Variants in TRIM2 observed in about 807,000 individuals in gnomAD.
TRIM2 encodes tripartite motif-containing protein 2.
TRIM2 carries 20 observed loss-of-function variants against 75.2 expected under a neutral mutation model. That is an observed-to-expected ratio of 0.27 (90% CI 0.19 to 0.39). The LOEUF (loss-of-function observed/expected upper bound fraction) is 0.39, where lower values mean the gene tolerates loss of function less well. TRIM2 is among the 10% of genes least tolerant of loss of function. The pLI, the probability that TRIM2 is intolerant of heterozygous loss-of-function variation, is 1.00. For synonymous variants in TRIM2, 373 were observed against 388.3 expected (o/e 0.96, Z 0.46); for missense variants, 660 against 990.8 (o/e 0.67, Z 4.48).
chr4:153,221,893 A>AG (rs1740322622), intron 1 of TRIM2, among the ~76,000 whole-genome samples: 1 of 87,686 alleles, frequency 1.1e-5, no homozygotes, highest in South Asian at 6.4e-4. Flanking sequence ...GAAGGAAGGA[A>AG]GGAGGGAGGA....
In TRIM2 at chr4:153,277,598, A is replaced by G. The variant is rs149360780; in HGVS notation, c.453+1468A>G. On this transcript the variant is annotated intron_variant, in intron 3 of 11. Transcript: ENST00000338700. ...TTTGGCTCCTTAAACCCCCCTCTGC[A>G]AAGTAGTTGTTGGTTACTTTCACTT... Among the ~76,000 whole-genome samples the G allele has an allele frequency of 2.6e-3, 403 of 152,332 alleles. 2 individuals carry two copies. Among genetic ancestry groups the G allele is most frequent in the African/African-American group, 8.6e-3 (357 of 41,566 alleles).
intron 1 of TRIM2, among the ~76,000 whole-genome samples, chr4:153,173,476 C>T (rs1460552412): frequency 1.3e-5 from 2 of 149,796 alleles, no homozygotes; most frequent in African/African-American, 4.9e-5. Context: ...AGCCTGGCAA[C>T]ATGGTAAAAC....
chr4:153,325,590 A>G (rs1302660010), intron 10 of TRIM2, among the ~76,000 whole-genome samples: 1 of 152,234 alleles, frequency 6.6e-6, no homozygotes, highest in African/African-American at 2.4e-5. Context: ...AAAGGATAAC[A>G]CAGGTTGTTC....
chr4:153,230,415 C>T (rs1743307086), intron 1 of TRIM2, among the ~76,000 whole-genome samples: 1 of 152,146 alleles, frequency 6.6e-6, no homozygotes, highest in South Asian at 2.1e-4. Flanking sequence ...CTCTTGGGCT[C>T]AAGCGATCTG....
chr4:153,315,866 T>A lies in TRIM2; in HGVS notation c.1649T>A (p.Phe550Tyr). ...FSNDGQFKSR[F>Y]GIRGRSPGQL... ...AATGATGGCCAGTTCAAAAGTCGTT[T>A]TGGCATACGGGGACGCTCTCCGGGG... The change falls in exon 8 of 12, where the codon TTT becomes TAT. Residue 550 changes from phenylalanine (F) to tyrosine (Y), a missense_variant. Phe to Tyr is a conservative substitution (Grantham distance 22). This residue lies in a region of TRIM2 where 620 missense variants were observed against 891.0 expected (regional missense o/e 0.70). Transcript: ENST00000338700. The A allele has an allele frequency of 6.2e-7, 1 of 1,614,206 alleles. No individual in the cohort carries two copies. Among genetic ancestry groups the A allele is most frequent in the Non-Finnish European group, 8.5e-7 (1 of 1,180,038 alleles).
intron 11 of TRIM2, among the ~76,000 whole-genome samples, chr4:153,332,755 A>G (rs1771769236): frequency 6.6e-6 from 1 of 152,228 alleles, no homozygotes; most frequent in Non-Finnish European, 1.5e-5. Flanking sequence ...AGTACAAATT[A>G]AGACCATGGT....
intron 1 of TRIM2, among the ~76,000 whole-genome samples, chr4:153,217,864 T>C (rs1738909054): frequency 6.6e-6 from 1 of 152,238 alleles, no homozygotes; most frequent in Non-Finnish European, 1.5e-5. Flanking sequence ...AAGAAAAATG[T>C]ACAAAGATCA....
At chr4:153,279,969 G>A (rs1758886671) in intron 3 of TRIM2, among the ~76,000 whole-genome samples, 1 of 151,206 alleles carries the variant, frequency 6.6e-6, no homozygotes, top group African/African-American at 2.4e-5. Context: ...AGCAGGGGGG[G>A]ATAGTGGAGC....
At chr4:153,247,999 T>G (rs933740731) in intron 1 of TRIM2, among the ~76,000 whole-genome samples, 1 of 149,542 alleles carries the variant, frequency 6.7e-6, no homozygotes, top group African/African-American at 2.5e-5. Context: ...TCATGTGTTT[T>G]TTTTTTTTTT....
At chr4:153,299,997 G>A (rs531461368) in intron 6 of TRIM2, among the ~76,000 whole-genome samples, 140 of 152,226 alleles carry the variant, frequency 9.2e-4, no homozygotes, top group Non-Finnish European at 1.8e-3. Flanking sequence ...TTTGCAAGTC[G>A]CACCCTTCTA....
intron 10 of TRIM2, among the ~76,000 whole-genome samples, chr4:153,326,233 G>A (rs531702905): frequency 8.0e-4 from 122 of 152,124 alleles, no homozygotes; most frequent in Middle Eastern, 3.4e-3. Flanking sequence ...CATTTTAGTC[G>A]GGAAAAATAG....
chr4:153,209,967 A>G (rs555181115), intron 1 of TRIM2, among the ~76,000 whole-genome samples: 7 of 152,250 alleles, frequency 4.6e-5, no homozygotes, highest in Admixed American at 4.6e-4. Context: ...TCTCAGAATC[A>G]TGCACCATAA....
chr4:153,252,114 C>T (rs1402992288), intron 1 of TRIM2, among the ~76,000 whole-genome samples: 3 of 152,220 alleles, frequency 2.0e-5, no homozygotes, highest in African/African-American at 7.2e-5. Flanking sequence ...TCCCTATCTG[C>T]CTCCTCCAAC....
chr4:153,179,160 GTTAA>G (rs1436992853), intron 1 of TRIM2, among the ~76,000 whole-genome samples: 3 of 151,734 alleles, frequency 2.0e-5, no homozygotes, highest in Non-Finnish European at 2.9e-5. Context: ...TTAATTAATT[GTTAA>G]TTAATATCAA....
intron 1 of TRIM2, among the ~76,000 whole-genome samples, chr4:153,255,784 TACTG>T (rs1390132367): frequency 6.6e-6 from 1 of 152,236 alleles, no homozygotes; most frequent in Non-Finnish European, 1.5e-5. Flanking sequence ...AGGAACGAAA[TACTG>T]ACACATGCTA....
intron 1 of TRIM2, among the ~76,000 whole-genome samples, chr4:153,247,865 A>G (rs1749697227): frequency 2.0e-5 from 3 of 152,140 alleles, no homozygotes; most frequent in Admixed American, 2.0e-4. Context: ...AAATGAGCCC[A>G]GCTCCAGGAG....
At chr4:153,226,547 G>A (rs988589262) in intron 1 of TRIM2, among the ~76,000 whole-genome samples, 1 of 152,256 alleles carries the variant, frequency 6.6e-6, no homozygotes, top group African/African-American at 2.4e-5. Flanking sequence ...CATCTCTTCA[G>A]TGTAAGTGTT....
chr4:153,250,335 G>A (rs952807551), intron 1 of TRIM2, among the ~76,000 whole-genome samples: 1 of 152,120 alleles, frequency 6.6e-6, no homozygotes, highest in African/African-American at 2.4e-5. Context: ...GACCAGGCTG[G>A]TCTCGAGCGC....
intron 1 of TRIM2, chr4:153,257,516 AT>A: frequency 1.6e-6 from 2 of 1,278,988 alleles, no homozygotes; most frequent in South Asian, 1.3e-5. Context: ...CATTTCCTCC[AT>A]TTTTCTCTTC....
Sources: allele counts gnomAD v4.1 joint callset (sites outside exome capture counted in the v4.1 genomes callset), GRCh38; gene constraint gnomAD v4.1.1; regional missense constraint gnomAD v4.1.1; transcripts MANE v1.5; gene names NCBI Gene and HGNC (gene_info 2026-07-23, HGNC 2026-07-21).